Variants in SEZ6L observed in about 807,000 individuals in gnomAD.
The protein encoded by SEZ6L is seizure 6-like protein.
In SEZ6L, 37 loss-of-function variants were observed where a neutral mutation model predicts 106.2. The ratio of observed to expected loss-of-function variants is 0.35; its 90% CI spans 0.27 to 0.46. The LOEUF is 0.46. Ranked by LOEUF, SEZ6L falls within the 20% of genes least tolerant of loss-of-function variation. The pLI is 1.00. For missense variants in SEZ6L, 1,172 were observed against 1,332.8 expected (o/e 0.88, Z 1.88); for synonymous variants, 541 against 570.4 (o/e 0.95, Z 0.73).
At chr22:26,224,376 T>G (rs139202292) in intron 1 of SEZ6L, among the ~76,000 whole-genome samples, 10 of 152,202 alleles carry the variant, frequency 6.6e-5, no homozygotes, top group African/African-American at 2.4e-4. Context: ...TCTCTATTAC[T>G]GGGTGCAGGA....
At chr22:26,253,610 C>G (rs770652274) in intron 1 of SEZ6L, among the ~76,000 whole-genome samples, 1 of 152,080 alleles carries the variant, frequency 6.6e-6, no homozygotes, top group African/African-American at 2.4e-5. Flanking sequence ...TTATTTAGTT[C>G]AATTATTATT....
chr22:26,317,378 C>T (rs977807572), intron 9 of SEZ6L, among the ~76,000 whole-genome samples: 2 of 151,762 alleles, frequency 1.3e-5, no homozygotes, highest in African/African-American at 2.4e-5. Context: ...AGATCCCACC[C>T]AGCCCCAGGC....
chr22:26,323,115 C>G (rs1341342867), intron 9 of SEZ6L, among the ~76,000 whole-genome samples: 1 of 152,176 alleles, frequency 6.6e-6, no homozygotes, highest in African/African-American at 2.4e-5. Flanking sequence ...CACAAGAGCT[C>G]AGCACGGGGG....
intron 12 of SEZ6L, among the ~76,000 whole-genome samples, chr22:26,359,802 C>G (rs927090815): frequency 2.1e-4 from 32 of 151,820 alleles, no homozygotes; most frequent in African/African-American, 7.5e-4. Context: ...GACCCTGTCT[C>G]AAAAATAAAA....
chr22:26,232,346 TCACACACACA>T (rs10654892), intron 1 of SEZ6L, among the ~76,000 whole-genome samples: 2,031 of 133,224 alleles, frequency 0.015, 32 homozygotes, highest in Admixed American at 0.036. Flanking sequence ...TCTCTGTCTT[TCACACACACA>T]CACACACACA....
intron 10 of SEZ6L, among the ~76,000 whole-genome samples, chr22:26,344,898 A>G (rs897795724): frequency 6.6e-6 from 1 of 152,236 alleles, no homozygotes; most frequent in Non-Finnish European, 1.5e-5. Flanking sequence ...GAATCACACC[A>G]TTTATTTAAA....
At chr22:26,357,709 C>T (rs1383484411) in intron 12 of SEZ6L, among the ~76,000 whole-genome samples, 1 of 152,200 alleles carries the variant, frequency 6.6e-6, no homozygotes, top group East Asian at 1.9e-4. Flanking sequence ...ATCCCCCAAG[C>T]CCAGGAGGCT....
At chr22:26,280,499 A>G (rs2080727027) in intron 1 of SEZ6L, among the ~76,000 whole-genome samples, 1 of 152,220 alleles carries the variant, frequency 6.6e-6, no homozygotes, top group Non-Finnish European at 1.5e-5. Flanking sequence ...CATACTCTGC[A>G]CATCATTCTG....
Position 26,284,604 on chromosome 22 carries a change from C to CAAAAAAA in SEZ6L, c.95-7780_95-7774dup, listed in dbSNP as rs137198. Among the ~76,000 whole-genome samples the CAAAAAAA allele has an allele frequency of 6.9e-3, 441 of 63,978 alleles. 9 individuals carry two copies. Among genetic ancestry groups the CAAAAAAA allele is most frequent in the Middle Eastern group, 9.4e-3 (1 of 106 alleles). 42.0% of individuals were successfully genotyped at this position (63,978 alleles called of 152,430 possible). A position where few individuals can be genotyped will look rare whatever the true frequency, so the allele number is the denominator to read the frequency against. ...CAGCCTTGATGACAGATCAGGACTC[C>CAAAAAAA]AAAAAAAAAAAAAAAAAAAAAAAAA... On this transcript the variant is annotated intron_variant, in intron 1 of 16. Coordinates refer to ENST00000248933, the MANE Select transcript of SEZ6L (RefSeq NM_021115.5).
intron 9 of SEZ6L, among the ~76,000 whole-genome samples, chr22:26,317,751 A>C (rs2082045595): frequency 6.6e-6 from 1 of 152,072 alleles, no homozygotes; most frequent in South Asian, 2.1e-4. Context: ...TCTCTTCTGA[A>C]CATTTTCACA....
chr22:26,338,258 C>CTAA (rs2082705655), intron 9 of SEZ6L, among the ~76,000 whole-genome samples: 1 of 152,214 alleles, frequency 6.6e-6, no homozygotes, highest in South Asian at 2.1e-4. Flanking sequence ...CCTTCATGAT[C>CTAA]TAATCCCTGC....
At chr22:26,248,314 A>T (rs2079436288) in intron 1 of SEZ6L, among the ~76,000 whole-genome samples, 1 of 152,182 alleles carries the variant, frequency 6.6e-6, no homozygotes, top group Non-Finnish European at 1.5e-5. Context: ...ATACATAATG[A>T]CTTGTACATA....
intron 11 of SEZ6L, among the ~76,000 whole-genome samples, chr22:26,348,616 GAA>G (rs1383214918): frequency 1.4e-4 from 3 of 20,832 alleles, no homozygotes; most frequent in African/African-American, 7.2e-4. Context: ...AAGAGAAAAA[GAA>G]AGAAAGAAAG....
intron 1 of SEZ6L, among the ~76,000 whole-genome samples, chr22:26,217,604 A>G (rs951051595): frequency 1.3e-5 from 2 of 152,256 alleles, no homozygotes; most frequent in East Asian, 3.8e-4. Flanking sequence ...GGTAATGTTA[A>G]GTCTCTGCCC....
At chr22:26,292,034 AGGATGGAT>A (rs879676680) in intron 1 of SEZ6L, among the ~76,000 whole-genome samples, 1,184 of 47,318 alleles carry the variant, frequency 0.025, 41 homozygotes, top group African/African-American at 0.067. Flanking sequence ...GAAGGAAGGA[AGGATGGAT>A]GGAAGGAAAG....
intron 1 of SEZ6L, among the ~76,000 whole-genome samples, chr22:26,243,482 T>C (rs976087859): frequency 3.9e-5 from 6 of 152,190 alleles, no homozygotes; most frequent in African/African-American, 1.4e-4. Context: ...GCAAAGGCCC[T>C]GAGGCAGGAC....
At chr22:26,212,445 C>T (rs899435925) in intron 1 of SEZ6L, among the ~76,000 whole-genome samples, 1 of 152,156 alleles carries the variant, frequency 6.6e-6, no homozygotes, top group Non-Finnish European at 1.5e-5. Flanking sequence ...TTTTCTGAGG[C>T]AAGGTCTCAC....
chr22:26,204,552 T>TC (rs1941181371), intron 1 of SEZ6L, among the ~76,000 whole-genome samples: 1 of 152,244 alleles, frequency 6.6e-6, no homozygotes, highest in Non-Finnish European at 1.5e-5. Context: ...TGGTATAACT[T>TC]AAATCCAGGC....
chr22:26,293,369 C>T (rs954350417), intron 2 of SEZ6L, among the ~76,000 whole-genome samples: 8 of 152,206 alleles, frequency 5.3e-5, no homozygotes, highest in South Asian at 2.1e-4. Context: ...CTTGATCTTT[C>T]GCCCAGGCTG....
Sources: allele counts gnomAD v4.1 joint callset (sites outside exome capture counted in the v4.1 genomes callset), GRCh38; gene constraint gnomAD v4.1.1; transcripts MANE v1.5; gene names NCBI Gene and HGNC (gene_info 2026-07-23, HGNC 2026-07-21).